Variants in CSMD1 observed in about 807,000 individuals in gnomAD.
CSMD1 encodes the protein CUB and sushi domain-containing protein 1.
Under a neutral mutation model 417.5 loss-of-function variants are expected in CSMD1, and 213 were observed. The ratio of observed to expected loss-of-function variants is 0.51; its 90% confidence interval spans 0.46 to 0.57. CSMD1 has a LOEUF of 0.57. CSMD1 is among the 20% of genes least tolerant of loss of function. CSMD1 has a pLI of 0.00. For synonymous variants in CSMD1, 2,862 were observed against 1,736.8 expected, an observed-to-expected ratio of 1.65 and a Z score of -16.11; for missense variants, 6,923 against 4,529.7, an observed-to-expected ratio of 1.53 and a Z score of -15.17.
intron 3 of CSMD1, among the ~76,000 whole-genome samples, chr8:4,062,790 A>C (rs2554704): frequency 1.3e-5 from 2 of 151,900 alleles, no homozygotes; most frequent in Non-Finnish European, 2.9e-5. Flanking sequence ...GTTCAAACCC[A>C]GTATCTGTCA....
Position 4,488,466 on chromosome 8 carries a change from C to T in CSMD1, c.303-68401G>A, listed in dbSNP as rs1189841693. On this transcript the variant is annotated intron_variant, in intron 2 of 69. Transcript: ENST00000635120. The stretch of plus-strand genomic sequence containing the variant: ...GAAGTAGTATGCTCAAATGAATATT[C>T]ACAAAATAAACTAGTGGTGACAGTA... 3.3e-5 allele frequency among the ~76,000 whole-genome samples: 5 copies of T among 152,120 alleles called. No individual in the cohort carries two copies. In the East Asian group the frequency reaches 9.7e-4, roughly 29 times the overall value.
intron 2 of CSMD1, among the ~76,000 whole-genome samples, chr8:4,551,604 A>G (rs759324776): frequency 6.6e-6 from 1 of 152,154 alleles, no homozygotes; most frequent in Admixed American, 6.6e-5. Flanking sequence ...AGATGCTGCC[A>G]TCAAATCCAG....
chr8:3,379,408 A>C (rs999518901), intron 18 of CSMD1, among the ~76,000 whole-genome samples: 2 of 152,234 alleles, frequency 1.3e-5, no homozygotes, highest in African/African-American at 4.8e-5. Flanking sequence ...TTAAAATGTC[A>C]TATGGAACCA....
At chr8:4,111,006 T>C (rs1351639869) in intron 3 of CSMD1, among the ~76,000 whole-genome samples, 1 of 152,144 alleles carries the variant, frequency 6.6e-6, no homozygotes, top group Admixed American at 6.5e-5. Flanking sequence ...CACTAAGAGA[T>C]GCCTGCAATC....
intron 12 of CSMD1, among the ~76,000 whole-genome samples, chr8:3,436,537 C>G (rs1196074388): frequency 6.6e-6 from 1 of 152,124 alleles, no homozygotes; most frequent in Non-Finnish European, 1.5e-5. Context: ...GTGGCTTTAA[C>G]TATATCATTG....
In CSMD1 at chr8:3,214,875, T is replaced by C. The variant is rs928809019; in HGVS notation, c.4673-184A>G. The stretch of plus-strand genomic sequence containing the variant: ...GACCAAGTGAAACTATTAATTAAAA[T>C]AAGAAAATTCCTTTTTAATAAAATT... On this transcript the variant is annotated intron_variant, in intron 29 of 69. Coordinates refer to ENST00000635120, the MANE Select transcript of CSMD1 (RefSeq NM_033225.6). Among the ~76,000 whole-genome samples, 8 of 152,210 alleles carry C rather than the reference T, an allele frequency of 5.3e-5. No homozygotes were observed. The South Asian group carries it at 8.3e-4, about 16-fold the overall frequency.
rs34791623 is a variant in CSMD1 at position 4,510,390 on chromosome 8, T to TAAAAAA, written c.303-90331_303-90326dup. ...GTAGACAATTAAAAAGCATAATGCC[T>TAAAAAA]AAAAAAAAAAAAAAAAAAAAAAAAA... On this transcript the variant is annotated intron_variant, in intron 2 of 69. Transcript: ENST00000635120. Among the ~76,000 whole-genome samples the TAAAAAA allele has an allele frequency of 3.1e-3, 169 of 54,596 alleles. 12 individuals are homozygous for TAAAAAA. Among genetic ancestry groups the TAAAAAA allele is most frequent in the Middle Eastern group, 0.02 (1 of 50 alleles). The allele number at this position is 54,596 out of a possible 152,430, so 35.8% of individuals were successfully genotyped here.
chr8:3,824,754 C>G (rs1458111535), intron 5 of CSMD1, among the ~76,000 whole-genome samples: 2 of 152,056 alleles, frequency 1.3e-5, no homozygotes, highest in Non-Finnish European at 2.9e-5. Flanking sequence ...AGATGTGGCT[C>G]ACATTGGTGG....
intron 1 of CSMD1, among the ~76,000 whole-genome samples, chr8:4,728,411 T>A (rs970851738): frequency 3.9e-5 from 6 of 152,084 alleles, no homozygotes; most frequent in African/African-American, 1.4e-4. Context: ...TTGGAGACTA[T>A]AAATTCCTGA....
intron 10 of CSMD1, among the ~76,000 whole-genome samples, chr8:3,541,201 A>G (rs150422461): frequency 0.01 from 1,578 of 152,352 alleles, 35 homozygotes; most frequent in African/African-American, 0.034. Context: ...ATGCAGCCAT[A>G]AGAAGGAATG....
chr8:3,995,283 T>C (rs186985181), intron 5 of CSMD1, among the ~76,000 whole-genome samples: 67 of 152,372 alleles, frequency 4.4e-4, no homozygotes, highest in African/African-American at 1.5e-3. Flanking sequence ...TGAAGAGTCA[T>C]TGAAAGCTGA....
intron 5 of CSMD1, among the ~76,000 whole-genome samples, chr8:3,934,252 T>G (rs995158627): frequency 6.6e-6 from 1 of 152,198 alleles, no homozygotes; most frequent in African/African-American, 2.4e-5. Flanking sequence ...TTGCTCAGAA[T>G]AATCATTCCG....
chr8:4,093,011 G>A (rs1457902980), intron 3 of CSMD1, among the ~76,000 whole-genome samples: 1 of 152,092 alleles, frequency 6.6e-6, no homozygotes, highest in Non-Finnish European at 1.5e-5. Context: ...AGACCACTGA[G>A]GAATGCTGTG....
intron 3 of CSMD1, among the ~76,000 whole-genome samples, chr8:4,210,055 C>G (rs1444213625): frequency 6.6e-6 from 1 of 152,178 alleles, no homozygotes; most frequent in South Asian, 2.1e-4. Context: ...GCCCTGCTTC[C>G]TGAGTCAAGT....
chr8:3,989,850 G>A (rs927713710), intron 5 of CSMD1, among the ~76,000 whole-genome samples: 8 of 152,118 alleles, frequency 5.3e-5, no homozygotes, highest in South Asian at 2.1e-4. Flanking sequence ...ATTTTTTGGA[G>A]GAGTATAGGA....
chr8:4,080,420 C>A (rs955473338), intron 3 of CSMD1, among the ~76,000 whole-genome samples: 2 of 152,184 alleles, frequency 1.3e-5, no homozygotes, highest in African/African-American at 2.4e-5. Flanking sequence ...GGTGAGTAAT[C>A]ATGCCATTAC....
At chr8:3,920,236 T>A (rs1159865653) in intron 5 of CSMD1, among the ~76,000 whole-genome samples, 1 of 152,032 alleles carries the variant, frequency 6.6e-6, no homozygotes, top group African/African-American at 2.4e-5. Context: ...GGTCTCACCA[T>A]GTTGCCCGGG....
chr8:3,702,637 C>G (rs1053362892), intron 7 of CSMD1, among the ~76,000 whole-genome samples: 2 of 152,176 alleles, frequency 1.3e-5, no homozygotes, highest in African/African-American at 4.8e-5. Context: ...TCAAGATCAG[C>G]TTTTCCAACA....
At chr8:4,788,218 A>G in intron 1 of CSMD1, 1 of 1,585,986 alleles carries the variant, frequency 6.3e-7, no homozygotes, top group Non-Finnish European at 8.6e-7. Flanking sequence ...ACATCTGCGC[A>G]TAAAGGACCA....
Sources: allele counts gnomAD v4.1 joint callset (sites outside exome capture counted in the v4.1 genomes callset), GRCh38; gene constraint gnomAD v4.1.1; transcripts MANE v1.5; gene names NCBI Gene and HGNC (gene_info 2026-07-23, HGNC 2026-07-21).